The following RIMS2 variants were observed in gnomAD, a reference collection of about 807,000 sequenced individuals.
RIMS2 encodes regulating synaptic membrane exocytosis 2.
Under a neutral mutation model 174.4 loss-of-function variants are expected in RIMS2, and 59 were observed. The ratio of observed to expected loss-of-function variants is 0.34; its 90% CI spans 0.27 to 0.42. RIMS2 has a LOEUF of 0.42. Ranked by LOEUF, RIMS2 falls within the 10% of genes least tolerant of loss-of-function variation. The pLI is 1.00. For synonymous variants in RIMS2, 606 were observed against 572.5 expected (o/e 1.06, Z -0.84); for missense variants, 1,620 against 1,666.3 (o/e 0.97, Z 0.48).
At chr8:103,964,183 C>T (rs541290726) in intron 15 of RIMS2, among the ~76,000 whole-genome samples, 6 of 152,284 alleles carry the variant, frequency 3.9e-5, no homozygotes, top group South Asian at 4.1e-4. Context: ...TTTTCGCAAA[C>T]GCCAACCAGC....
intron 3 of RIMS2, among the ~76,000 whole-genome samples, chr8:103,782,454 G>A (rs528280691): frequency 1.4e-4 from 22 of 152,000 alleles, no homozygotes; most frequent in Admixed American, 1.2e-3. Flanking sequence ...GTGTGTGTGT[G>A]TGTGTGTGTG....
At chr8:103,867,672 TATG>T (rs918084294) in intron 3 of RIMS2, among the ~76,000 whole-genome samples, 1 of 151,976 alleles carries the variant, frequency 6.6e-6, no homozygotes, top group African/African-American at 2.4e-5. Context: ...TAATAATAAT[TATG>T]ATAATAACCT....
At chr8:103,738,051 A>G (rs1306433337) in intron 2 of RIMS2, among the ~76,000 whole-genome samples, 11 of 152,286 alleles carry the variant, frequency 7.2e-5, no homozygotes, top group South Asian at 4.1e-4. Flanking sequence ...TGTGTTTCTA[A>G]TAAGTAGCAT....
chr8:103,606,247 T>C (rs1167921552), intron 1 of RIMS2, among the ~76,000 whole-genome samples: 3 of 147,288 alleles, frequency 2.0e-5, no homozygotes, highest in South Asian at 2.3e-4. Context: ...TCTGCCTTCA[T>C]TTCGTTATGT....
chr8:103,724,889 G>A (rs180730019), intron 2 of RIMS2, among the ~76,000 whole-genome samples: 1 of 152,144 alleles, frequency 6.6e-6, no homozygotes, highest in Admixed American at 6.5e-5. Context: ...TGTCTTTTTA[G>A]TATGTGTTAC....
At chr8:104,094,528 T>C (rs1440910332) in intron 19 of RIMS2, 5 of 701,036 alleles carry the variant, frequency 7.1e-6, no homozygotes, top group South Asian at 6.0e-5. Flanking sequence ...CATGAAGAGA[T>C]AGTTCATGAG....
chr8:104,173,102 A>G (rs1329949361), intron 19 of RIMS2, among the ~76,000 whole-genome samples: 2 of 152,202 alleles, frequency 1.3e-5, no homozygotes, highest in Non-Finnish European at 2.9e-5. Context: ...TGCTTACTAC[A>G]TCTGCTTTTG....
chr8:104,058,763 A>G (rs1432774561), intron 19 of RIMS2, among the ~76,000 whole-genome samples: 1 of 152,128 alleles, frequency 6.6e-6, no homozygotes, highest in Non-Finnish European at 1.5e-5. Flanking sequence ...TAAGGAAGGG[A>G]TCCAGTTTCA....
intron 1 of RIMS2, among the ~76,000 whole-genome samples, chr8:103,579,580 GT>G (rs1051037592): frequency 2.6e-5 from 4 of 151,476 alleles, no homozygotes; most frequent in East Asian, 1.9e-4. Flanking sequence ...AAAGTGTAGA[GT>G]TTTTTTTTCT....
chr8:104,114,922 A>G (rs1413297187), intron 19 of RIMS2, among the ~76,000 whole-genome samples: 1 of 152,084 alleles, frequency 6.6e-6, no homozygotes, highest in Non-Finnish European at 1.5e-5. Flanking sequence ...GCAAATATTT[A>G]ACTCTAATAA....
rs1395931814 is a variant in RIMS2 at position 104,208,589 on chromosome 8, T to C, written c.3335-36327T>C. 5.6e-5 allele frequency among the ~76,000 whole-genome samples: 8 copies of C among 143,254 alleles called. No homozygotes were observed. The East Asian group carries it at 1.4e-3, about 26-fold the overall frequency. The allele number at this position is 143,254 out of a possible 152,430, so 94.0% of individuals were successfully genotyped here. Reference sequence around the variant, plus strand: ...TCTCAAAAAAAAAGAAAAAAAAAAATGAAGAATACTTTCTGTAAAGGGTAT... The same window carrying C: ...TCTCAAAAAAAAAGAAAAAAAAAAACGAAGAATACTTTCTGTAAAGGGTAT... On this transcript the variant is annotated intron_variant, in intron 19 of 23. Coordinates refer to ENST00000504942, the Ensembl canonical transcript of RIMS2.
chr8:103,758,012 A>C (rs150835194), intron 2 of RIMS2, among the ~76,000 whole-genome samples: 6 of 152,152 alleles, frequency 3.9e-5, no homozygotes, highest in African/African-American at 1.4e-4. Context: ...GAGGGAATAC[A>C]TTTCTTGTTG....
intron 19 of RIMS2, among the ~76,000 whole-genome samples, chr8:104,066,718 T>G (rs917316641): frequency 6.6e-6 from 1 of 152,186 alleles, no homozygotes; most frequent in African/African-American, 2.4e-5. Flanking sequence ...AGCATTAATA[T>G]TCCTCACTTT....
intron 1 of RIMS2, among the ~76,000 whole-genome samples, chr8:103,577,801 T>C (rs998325368): frequency 1.3e-5 from 2 of 152,156 alleles, no homozygotes; most frequent in Non-Finnish European, 2.9e-5. Context: ...CTGAGAAATA[T>C]ATTTCCTGAT....
intron 1 of RIMS2, among the ~76,000 whole-genome samples, chr8:103,624,515 C>T (rs1046665009): frequency 1.3e-5 from 2 of 152,126 alleles, no homozygotes; most frequent in African/African-American, 4.8e-5. Context: ...CTCCTAATAA[C>T]TCTCCCTTTA....
intron 19 of RIMS2, among the ~76,000 whole-genome samples, chr8:104,218,273 T>C (rs2099139922): frequency 1.3e-5 from 2 of 152,254 alleles, no homozygotes; most frequent in South Asian, 4.1e-4. Flanking sequence ...CTTTTTAGCA[T>C]AGCCACTTCT....
chr8:103,792,004 C>T (rs1312727585), intron 3 of RIMS2, among the ~76,000 whole-genome samples: 1 of 152,142 alleles, frequency 6.6e-6, no homozygotes, highest in Admixed American at 6.6e-5. Flanking sequence ...CAACAAGAGA[C>T]AGATCAACGA....
At chr8:103,521,421 G>C (rs1831623567) in intron 1 of RIMS2, among the ~76,000 whole-genome samples, 1 of 151,714 alleles carries the variant, frequency 6.6e-6, no homozygotes, top group East Asian at 1.9e-4. Flanking sequence ...CATAGATGCA[G>C]TTATGGTATA....
intron 1 of RIMS2, 72 bp downstream of exon 1, chr8:103,501,134 C>T: frequency 8.1e-7 from 1 of 1,232,988 alleles, no homozygotes; most frequent in Non-Finnish European, 1.1e-6. Flanking sequence ...CTGCGGCCGC[C>T]TGCGCGCCCC....
Sources: allele counts gnomAD v4.1 joint callset (sites outside exome capture counted in the v4.1 genomes callset), GRCh38; gene constraint gnomAD v4.1.1; transcripts MANE v1.5; gene names NCBI Gene and HGNC (gene_info 2026-07-23, HGNC 2026-07-21).